Variants in LY75 observed in about 807,000 individuals in gnomAD.
LY75 encodes C-type lectin domain family 13 member B.
Under a neutral mutation model 231.7 loss-of-function variants are expected in LY75, and 185 were observed. The observed-to-expected ratio is 0.80, with a 90% CI of 0.71 to 0.90. The LOEUF (loss-of-function observed/expected upper bound fraction) is 0.90. Among genes scored for constraint, LY75 ranks in the 40% least tolerant of loss-of-function variants. The probability of loss-of-function intolerance (pLI) is 0.00; values close to 1 mark genes in which losing one functional copy is unlikely to be tolerated. For missense variants in LY75, 1,947 were observed against 2,050.2 expected (o/e 0.95, Z 0.97); for synonymous variants, 668 against 689.0 (o/e 0.97, Z 0.48).
At chr2:159,850,294 C>T (rs1297289813) in intron 22 of LY75, 68 bp downstream of exon 22, 2 of 1,582,860 alleles carry the variant, frequency 1.3e-6, no homozygotes, top group African/African-American at 2.7e-5. Flanking sequence ...TGTTAATTCC[C>T]CATAGCCTCC....
chr2:159,842,659 T>G (rs961439537), intron 23 of LY75, among the ~76,000 whole-genome samples: 1 of 152,172 alleles, frequency 6.6e-6, no homozygotes. Context: ...AACACTCGAC[T>G]ACAGTATAAG....
At chr2:159,872,213 C>T (rs1685035761) in intron 13 of LY75, 1 of 394,572 alleles carries the variant, frequency 2.5e-6, no homozygotes, top group Non-Finnish European at 4.4e-6. Context: ...CCATACATTG[C>T]TGTTGGACTT....
rs147368831 is a variant in LY75, at chr2:159,882,213, T to C, written c.1157A>G (p.His386Arg). 1.2e-5 allele frequency: 20 copies of C among 1,614,088 alleles called. No homozygotes were observed. Among genetic ancestry groups the C allele is most frequent in the Non-Finnish European group, 1.6e-5 (19 of 1,179,942 alleles). The part of the protein sequence containing the change: ...VNESNSWDKA[H>R]AKCKAFSSDL... ...ACTACTGAAGGCTTTGCATTTCGCA[T>C]GTGCCTTATCCCAGGAATTACTTTC... Residue 386 changes from histidine to arginine, a missense_variant, in exon 7 of 35, where the codon CAT becomes CGT. Transcript: ENST00000263636.
intron 23 of LY75, among the ~76,000 whole-genome samples, chr2:159,845,940 C>T (rs1373893047): frequency 6.6e-6 from 1 of 151,416 alleles, no homozygotes; most frequent in Non-Finnish European, 1.5e-5. Context: ...AAGAGGCATC[C>T]TATATTGCTA....
At chr2:159,897,023 C>T (rs1685925339) in intron 2 of LY75, among the ~76,000 whole-genome samples, 1 of 152,032 alleles carries the variant, frequency 6.6e-6, no homozygotes, top group South Asian at 2.1e-4. Context: ...CTGGGTAGAT[C>T]CTTAACCTTT....
chr2:159,815,168 T>G (rs1268867742), intron 31 of LY75, among the ~76,000 whole-genome samples: 1 of 151,904 alleles, frequency 6.6e-6, no homozygotes, highest in Non-Finnish European at 1.5e-5. Context: ...GCCCAGCTAT[T>G]TTTTTTGCAT....
rs1434867186 is a variant in LY75, at chr2:159,886,462, A to C, written c.871T>G (p.Trp291Gly). ...AAGTTTAATGGTTTGTGGTCTGACC[A>C]TTCCCAGCCTCTAGCAGAGTATAGC... The part of the protein sequence containing the change: ...NQLYSARGWE[W>G]SDHKPLNFLN... The change falls in exon 5 of 35, where the codon TGG becomes GGG. Residue 291 changes from tryptophan to glycine, a missense_variant. By Grantham distance (184) the Trp-to-Gly change is radical. Transcript: ENST00000263636. The C allele has an allele frequency of 6.2e-7, 1 of 1,612,118 alleles. No homozygotes were observed. Among genetic ancestry groups the C allele is most frequent in the Non-Finnish European group, 8.5e-7 (1 of 1,178,874 alleles).
At chr2:159,873,772 CATTTTGTAAAAATATACATAAATATAT>C (rs1685091605) in intron 12 of LY75, among the ~76,000 whole-genome samples, 5 of 91,800 alleles carry the variant, frequency 5.4e-5, no homozygotes, top group African/African-American at 1.5e-4. Context: ...TAAATATATA[CATTTTGTAAAAATATACATAAATATAT>C]ACATATAGTA....
chr2:159,871,998 C>T (rs578230036), intron 13 of LY75: 1 of 153,180 alleles, frequency 6.5e-6, no homozygotes, highest in Non-Finnish European at 1.5e-5. Context: ...TTGACCATAT[C>T]TGTATATTCT....
intron 1 of LY75, among the ~76,000 whole-genome samples, chr2:159,901,947 T>G (rs1236257220): frequency 2.0e-5 from 3 of 152,230 alleles, no homozygotes; most frequent in African/African-American, 7.2e-5. Flanking sequence ...TAGCAGGAGC[T>G]GTTGAAACTG....
chr2:159,903,372 C>T (rs1175767145), intron 1 of LY75: 1 of 152,132 alleles, frequency 6.6e-6, no homozygotes, highest in Admixed American at 6.5e-5. Flanking sequence ...AACTTTTCCA[C>T]CTTGGATTGT....
intron 13 of LY75, among the ~76,000 whole-genome samples, chr2:159,868,852 G>A (rs1684927997): frequency 6.6e-6 from 1 of 152,126 alleles, no homozygotes; most frequent in African/African-American, 2.4e-5. Flanking sequence ...TGTGTGTCAA[G>A]CTTGAAATCT....
At chr2:159,827,456 C>G (rs901954325) in intron 28 of LY75, among the ~76,000 whole-genome samples, 4 of 152,156 alleles carry the variant, frequency 2.6e-5, no homozygotes, top group Non-Finnish European at 5.9e-5. Flanking sequence ...AAGTCAGGAA[C>G]AACAGGTGCT....
In LY75 at chr2:159,803,994, T is replaced by C. The variant is rs935617568; in HGVS notation, c.*1050A>G. 19 of 152,236 alleles carry C rather than the reference T, an allele frequency of 1.2e-4. No individual in the cohort carries two copies. The highest frequency in any genetic ancestry group is 4.1e-4 in the African/African-American group (17 of 41,456). The allele number at this position is 152,236 out of a possible 1,614,324, so 9.4% of individuals were successfully genotyped here. A position where few individuals can be genotyped will look rare whatever the true frequency, so the allele number is the denominator to read the frequency against. ...ATTCTCTTTACAAAAGAAACAGTCA[T>C]GTAATACATCAGAAAATGCAAAGCA... On this transcript the variant is annotated 3_prime_UTR_variant, in exon 35 of 35. Transcript: ENST00000263636.
chr2:159,892,833 C>T (rs1328758681), intron 3 of LY75, among the ~76,000 whole-genome samples: 1 of 152,046 alleles, frequency 6.6e-6, no homozygotes, highest in African/African-American at 2.4e-5. Context: ...TAAAAAGTAA[C>T]GAGAAAAAGC....
chr2:159,847,445 C>A (rs1485653180), intron 23 of LY75, among the ~76,000 whole-genome samples: 1 of 152,128 alleles, frequency 6.6e-6, no homozygotes, highest in Non-Finnish European at 1.5e-5. Flanking sequence ...AGGCCTCCCC[C>A]TCTCAGCCTC....
In LY75 at chr2:159,894,279, C is replaced by A. The variant is rs187737290; in HGVS notation, c.467-195G>T. Among the ~76,000 whole-genome samples, 153 of 152,344 alleles carry A rather than the reference C, an allele frequency of 1.0e-3. 1 individual carries two copies. Among genetic ancestry groups the A allele is most frequent in the African/African-American group, 3.6e-3 (149 of 41,570 alleles). Reference sequence around the variant, plus strand: ...TGCTAACCCACTGTTTGCCTGTGGGCTAGCTATCCAACCTCTAGTAGCCTC... The same window carrying A: ...TGCTAACCCACTGTTTGCCTGTGGGATAGCTATCCAACCTCTAGTAGCCTC... On this transcript the variant is annotated intron_variant, in intron 2 of 34. Coordinates refer to ENST00000263636, the MANE Select transcript of LY75 (RefSeq NM_002349.4).
chr2:159,888,542 G>A (rs1685661683), intron 4 of LY75, among the ~76,000 whole-genome samples: 1 of 152,154 alleles, frequency 6.6e-6, no homozygotes, highest in Admixed American at 6.5e-5. Flanking sequence ...ATGATTAATG[G>A]ATTTATCTGG....
intron 8 of LY75, among the ~76,000 whole-genome samples, chr2:159,880,518 ATCAG>A (rs1318418546): frequency 6.6e-6 from 1 of 152,212 alleles, no homozygotes; most frequent in East Asian, 1.9e-4. Context: ...GGTTGCTAGA[ATCAG>A]TCAGCACAAG....
Sources: allele counts gnomAD v4.1 joint callset (sites outside exome capture counted in the v4.1 genomes callset), GRCh38; gene constraint gnomAD v4.1.1; transcripts MANE v1.5; gene names NCBI Gene and HGNC (gene_info 2026-07-23, HGNC 2026-07-21).